Variants in EXOC2 observed in about 807,000 individuals in gnomAD.
EXOC2 encodes exocyst complex component 2.
Under a neutral mutation model 131.8 loss-of-function variants are expected in EXOC2, and 70 were observed. That is an observed-to-expected ratio of 0.53 (90% confidence interval 0.44 to 0.65). EXOC2 has a LOEUF of 0.65. Among genes scored for constraint, EXOC2 ranks in the 30% least tolerant of loss-of-function variants. EXOC2 has a pLI of 0.00. For synonymous variants in EXOC2, 411 were observed against 398.4 expected, an observed-to-expected ratio of 1.03 and a Z score of -0.38; for missense variants, 923 against 1,108.6, an observed-to-expected ratio of 0.83 and a Z score of 2.38.
chr6:488,131 G>T (rs958322802), intron 27 of EXOC2, among the ~76,000 whole-genome samples: 1 of 152,202 alleles, frequency 6.6e-6, no homozygotes, highest in Non-Finnish European at 1.5e-5. Flanking sequence ...GGGCGGCGAT[G>T]CCCCCGGGGA....
intron 13 of EXOC2, among the ~76,000 whole-genome samples, chr6:569,656 G>A (rs932641111): frequency 1.3e-5 from 2 of 152,158 alleles, no homozygotes; most frequent in Admixed American, 1.3e-4. Context: ...ACAGCCCTGC[G>A]CTTTCCTCTA....
intron 1 of EXOC2, chr6:656,812 C>T (rs1020167801): frequency 6.2e-7 from 1 of 1,608,812 alleles, no homozygotes; most frequent in Non-Finnish European, 8.5e-7. Flanking sequence ...CCGCCGGAAC[C>T]CGCGGGGCCG....
chr6:542,077 A>G (rs1034101064), intron 22 of EXOC2, among the ~76,000 whole-genome samples: 2 of 152,228 alleles, frequency 1.3e-5, no homozygotes, highest in Non-Finnish European at 2.9e-5. Context: ...TTCAAACAAA[A>G]TATTGTTTAG....
chr6:572,447 T>A, intron 13 of EXOC2, 73 bp downstream of exon 13: 1 of 1,525,742 alleles, frequency 6.6e-7, no homozygotes, highest in South Asian at 1.3e-5. Flanking sequence ...AAAAAATCAC[T>A]TAAATCTAAC....
chr6:619,101 A>G (rs912305261), intron 5 of EXOC2, among the ~76,000 whole-genome samples: 4 of 152,176 alleles, frequency 2.6e-5, no homozygotes, highest in African/African-American at 9.7e-5. Context: ...TTTTTATGTT[A>G]TTTGAGTAGG....
At chr6:684,372 G>C (rs1157471539) in intron 1 of EXOC2, among the ~76,000 whole-genome samples, 1 of 152,136 alleles carries the variant, frequency 6.6e-6, no homozygotes, top group Non-Finnish European at 1.5e-5. Context: ...TTTAGTAGCT[G>C]ATGAAGGATT....
intron 4 of EXOC2, among the ~76,000 whole-genome samples, chr6:625,772 G>A (rs146395841): frequency 2.5e-4 from 38 of 152,056 alleles, no homozygotes; most frequent in African/African-American, 7.5e-4. Flanking sequence ...GGTTTGCATC[G>A]CCCATAACAC....
intron 1 of EXOC2, chr6:656,351 C>T: frequency 1.9e-6 from 3 of 1,614,208 alleles, no homozygotes; most frequent in Non-Finnish European, 2.5e-6. Flanking sequence ...TTTGAATGGA[C>T]ACCACCTCCG....
intron 4 of EXOC2, among the ~76,000 whole-genome samples, chr6:620,672 C>T (rs1761242307): frequency 1.3e-5 from 2 of 152,168 alleles, no homozygotes; most frequent in African/African-American, 4.8e-5. Context: ...ACAAACACAG[C>T]CTCAATTCAG....
intron 1 of EXOC2, chr6:656,079 TAAAA>T: frequency 7.2e-7 from 1 of 1,391,942 alleles, no homozygotes; most frequent in Non-Finnish European, 9.9e-7. Context: ...ATCAAAACCT[TAAAA>T]AAAAAATCTA....
chr6:520,670 A>C (rs1468569342), intron 23 of EXOC2, among the ~76,000 whole-genome samples: 17 of 46,638 alleles, frequency 3.6e-4, no homozygotes, highest in Admixed American at 6.9e-4. Flanking sequence ...AGACGAAAAC[A>C]ACCACCCACC....
chr6:613,388 G>C (rs1450365786), intron 6 of EXOC2, among the ~76,000 whole-genome samples: 1 of 152,000 alleles, frequency 6.6e-6, no homozygotes, highest in Non-Finnish European at 1.5e-5. Context: ...ACCAGACTTG[G>C]ACTGGGTATG....
At chr6:642,770 C>T (rs1480730133) in intron 1 of EXOC2, among the ~76,000 whole-genome samples, 2 of 151,978 alleles carry the variant, frequency 1.3e-5, no homozygotes. Context: ...ACTGATTAGG[C>T]TGCACAGTAG....
intron 7 of EXOC2, among the ~76,000 whole-genome samples, chr6:608,461 G>A (rs776602631): frequency 1.3e-5 from 2 of 152,150 alleles, no homozygotes; most frequent in South Asian, 2.1e-4. Context: ...AAGTCCTGAC[G>A]AATGGTCTCA....
At chr6:580,157 T>A (rs1758810907) in intron 11 of EXOC2, among the ~76,000 whole-genome samples, 2 of 151,834 alleles carry the variant, frequency 1.3e-5, no homozygotes. Context: ...TTCTCTTGCC[T>A]CAGCCTCTCA....
intron 23 of EXOC2, among the ~76,000 whole-genome samples, chr6:527,226 AT>A (rs1765795103): frequency 6.6e-6 from 1 of 152,162 alleles, no homozygotes; most frequent in South Asian, 2.1e-4. Flanking sequence ...AAAAATTACA[AT>A]TTCTCCTTAT....
intron 23 of EXOC2, among the ~76,000 whole-genome samples, chr6:530,366 G>A (rs1371416312): frequency 2.6e-5 from 4 of 152,210 alleles, no homozygotes; most frequent in African/African-American, 9.7e-5. Context: ...GAGTGTCACA[G>A]ACTGCACTAT....
chr6:508,167 C>T (rs752776176), intron 23 of EXOC2, among the ~76,000 whole-genome samples: 1 of 152,162 alleles, frequency 6.6e-6, no homozygotes, highest in Admixed American at 6.5e-5. Flanking sequence ...AGTTTCACAG[C>T]AAAACTGAGC....
rs187872018 is a variant in EXOC2, at chr6:656,486, G to A, written c.-43-18625C>T. ...AGCGCGGCAGGCGGATGCTCGCGTC[G>A]GAGGCGCGCAGGCTGGGCGGCAGGC... is the stretch of plus-strand genomic sequence containing the variant. On this transcript the variant is annotated intron_variant, in intron 1 of 27. Coordinates refer to ENST00000230449, the MANE Select transcript of EXOC2 (RefSeq NM_018303.6). 820 of 1,609,294 alleles carry A rather than the reference G, an allele frequency of 5.1e-4. 3 individuals are homozygous for A. In the East Asian group the frequency reaches 0.014, roughly 28 times the overall value.
Sources: gnomAD v4.1 joint callset for allele counts (sites outside exome capture counted in the v4.1 genomes callset) on GRCh38, gnomAD v4.1.1 for gene constraint, MANE v1.5 for transcripts, NCBI Gene and HGNC (gene_info 2026-07-23, HGNC 2026-07-21) for gene names.